CCDC88B: variants seen among roughly 807,000 people sequenced by gnomAD.
The protein encoded by CCDC88B is coiled-coil domain-containing protein 88B.
CCDC88B carries 138 observed loss-of-function variants against 183.7 expected under a neutral mutation model. That is an observed-to-expected ratio of 0.75 (90% CI 0.65 to 0.87). The LOEUF (loss-of-function observed/expected upper bound fraction) is 0.87. CCDC88B is among the 40% of genes least tolerant of loss of function. The pLI, the probability that CCDC88B is intolerant of heterozygous loss-of-function variation, is 0.00. For missense variants in CCDC88B, 1,822 were observed against 1,965.6 expected (o/e 0.93, Z 1.38); for synonymous variants, 835 against 867.5 (o/e 0.96, Z 0.66).
At chr11:64,351,640 T>A (rs752122992) in intron 18 of CCDC88B, 24 bp downstream of exon 18, 10 of 1,544,172 alleles carry the variant, frequency 6.5e-6, no homozygotes, top group Non-Finnish European at 8.7e-6. Flanking sequence ...CGGGTGCCCA[T>A]CCCTGCCCAT....
At chr11:64,346,259 G>C (rs1389239814) in intron 14 of CCDC88B, among the ~76,000 whole-genome samples, 2 of 152,096 alleles carry the variant, frequency 1.3e-5, no homozygotes, top group Non-Finnish European at 2.9e-5. Flanking sequence ...GTGGGTGTGA[G>C]AGGAGGACTG....
rs1033300593 is a variant in CCDC88B at position 64,349,245 on chromosome 11, C to T, written c.2617-86C>T. 4.1e-6 allele frequency: 6 copies of T among 1,452,542 alleles called. No homozygotes were observed. In the South Asian group the frequency reaches 8.2e-5, roughly 20 times the overall value. The allele number at this position is 1,452,542 out of a possible 1,614,324, so 90.0% of individuals were successfully genotyped here. ...CGTGCCCAGGATGGCAGGTCAAGGACAGAAAGGCAGCTCTCTTGACTCTCA... is the reference window on the plus strand; with the variant it reads ...CGTGCCCAGGATGGCAGGTCAAGGATAGAAAGGCAGCTCTCTTGACTCTCA... On this transcript the variant is annotated intron_variant, in intron 14 of 26. Transcript: ENST00000356786.
At chr11:64,352,425 C>G (rs1477243144) in intron 19 of CCDC88B, 39 bp downstream of exon 19, 1 of 1,495,674 alleles carries the variant, frequency 6.7e-7, no homozygotes, top group South Asian at 1.3e-5. Flanking sequence ...CCCTGGCACC[C>G]CCTATCTGCC....
In CCDC88B at chr11:64,357,493, A is replaced by C. The variant is rs1433717813; in HGVS notation, c.*399A>C. 1.4e-6 allele frequency: 1 copy of C among 707,988 alleles called. No homozygotes were observed. Among genetic ancestry groups the C allele is most frequent in the Non-Finnish European group, 2.6e-6 (1 of 379,108 alleles). The allele number at this position is 707,988 out of a possible 1,614,324, so 43.9% of individuals were successfully genotyped here. The stretch of plus-strand genomic sequence containing the variant: ...TGGGCTGATCTTGAGCCTTAACTGG[A>C]CATGAGGGGCATGAGAATAAAGCTG... On this transcript the variant is annotated 3_prime_UTR_variant, in exon 27 of 27. Coordinates refer to ENST00000356786, the MANE Select transcript of CCDC88B (RefSeq NM_032251.6).
intron 7 of CCDC88B, 106 bp from the exon 8 acceptor site, chr11:64,341,888 T>C: frequency 1.5e-6 from 1 of 673,856 alleles, no homozygotes; most frequent in Non-Finnish European, 2.1e-6. Context: ...CACAACCAGA[T>C]GGCCCAAGAC....
intron 26 of CCDC88B, chr11:64,356,758 C>A (rs1778032271): frequency 4.2e-6 from 2 of 481,848 alleles, no homozygotes; most frequent in Non-Finnish European, 7.3e-6. Context: ...GAGCTCTGGG[C>A]AGGCTGGTTG....
intron 26 of CCDC88B, chr11:64,356,725 C>A (rs1020365169): frequency 1.2e-5 from 5 of 428,686 alleles, no homozygotes; most frequent in Non-Finnish European, 2.1e-5. Context: ...GAAAGGAGAG[C>A]AGGGGAGGGG....
chr11:64,341,306 T>C lies in CCDC88B; in HGVS notation c.425T>C (p.Leu142Pro). Residue 142 changes from leucine to proline, a missense_variant, in exon 5 of 27, where the codon CTA becomes CCA. Leu to Pro is a moderately conservative substitution (Grantham distance 98, BLOSUM62 -3). Transcript: ENST00000356786. ...GAGCAGCTGGAAGGCGTTCTTCGGC[T>C]ACTGTTGGGAGCGTCAGTACAGGTG... The part of the protein sequence containing the change: ...AVEQLEGVLR[L>P]LLGASVQCEH... 1 of 1,614,086 alleles carries C rather than the reference T, an allele frequency of 6.2e-7. No homozygotes were observed. Among genetic ancestry groups the C allele is most frequent in the Non-Finnish European group, 8.5e-7 (1 of 1,180,012 alleles).
chr11:64,354,698 C>G (rs1361340089), intron 24 of CCDC88B, among the ~76,000 whole-genome samples: 4 of 58,216 alleles, frequency 6.9e-5, no homozygotes, highest in South Asian at 7.9e-4. Context: ...TCCGCCCCCC[C>G]CCTCTGACCC....
At chr11:64,347,106 C>T (rs139141301) in intron 14 of CCDC88B, among the ~76,000 whole-genome samples, 17 of 152,300 alleles carry the variant, frequency 1.1e-4, no homozygotes, top group Middle Eastern at 3.4e-3. Context: ...CACACTTTTA[C>T]TTATTCATTT....
intron 26 of CCDC88B, 129 bp from the exon 27 acceptor site, chr11:64,356,910 G>A (rs566802116): frequency 4.6e-5 from 38 of 830,278 alleles, no homozygotes; most frequent in South Asian, 2.3e-4. Context: ...AACAGCAGGC[G>A]TGGTGCAGCT....
At position 64,355,346 on chromosome 11, in the gene CCDC88B, C is replaced by T. The variant is rs537291664; in HGVS notation, c.4252C>T (p.Arg1418Ter). The T allele has an allele frequency of 3.1e-6, 5 of 1,592,696 alleles. No individual in the cohort carries two copies. Among genetic ancestry groups the T allele is most frequent in the South Asian group, 1.1e-5 (1 of 88,284 alleles). ...SFSPGDTPRQ[R>*]FRQRHPGPLG... is the part of the protein sequence containing the mutation. ...CAGCCCTGGGGACACCCCTAGGCAA[C>T]GATTCCGACAGCGCCATCCAGGCCC... Residue 1418 changes from arginine (R) to a stop codon, truncating the protein, a stop_gained, in exon 25 of 27, where the codon CGA becomes TGA. Coordinates refer to ENST00000356786, the MANE Select transcript of CCDC88B (RefSeq NM_032251.6). LOFTEE classifies it high-confidence loss of function.
In CCDC88B at chr11:64,344,628, A is replaced by G. The variant is rs1409650714; in HGVS notation, c.2087A>G (p.Gln696Arg). The change falls in exon 14 of 27, where the codon CAA (glutamine) becomes CGA (arginine). Residue 696 changes from glutamine (Q) to arginine (R), a missense_variant. Transcript: ENST00000356786. This position sits in a 1 kb window ranked among gnomAD's most constrained non-coding sequence, Gnocchi z 4.5. ...GGGACGGTCAGGGACCCAGCCTGGC[A>G]AAAACCACAGCAGAAGTCAGAAGGG... ...LEGTVRDPAW[Q>R]KPQQKSEGAL... 10 of 1,613,374 alleles carry G rather than the reference A, an allele frequency of 6.2e-6. No individual in the cohort carries two copies. Among genetic ancestry groups the G allele is most frequent in the Non-Finnish European group, 8.5e-6 (10 of 1,179,730 alleles).
At position 64,344,795 on chromosome 11, in the gene CCDC88B, G is replaced by T. The variant is rs771046423; in HGVS notation, c.2254G>T (p.Ala752Ser). The T allele has an allele frequency of 6.2e-7, 1 of 1,613,394 alleles. No individual in the cohort carries two copies. Among genetic ancestry groups the T allele is most frequent in the Non-Finnish European group, 8.5e-7 (1 of 1,179,870 alleles). The change falls in exon 14 of 27, where the codon GCC becomes TCC. Residue 752 changes from alanine (A) to serine (S), a missense_variant. Transcript: ENST00000356786. The surrounding 1 kb of genome is among the most constrained non-coding windows in gnomAD (Gnocchi z 4.5). ...CCTTGGAGATGAGCTGGAAGCCCAGGCCCGCAAGCTGGAGGCCCAAAACAC... is the reference window on the plus strand; with the variant it reads ...CCTTGGAGATGAGCTGGAAGCCCAGTCCCGCAAGCTGGAGGCCCAAAACAC... ...EALGDELEAQ[A>S]RKLEAQNTEA...
In CCDC88B at chr11:64,349,620, G is replaced by A; in HGVS notation, c.2814G>A (p.Leu938=). ...QAAATSKEEA[L]MELKTRALQL... ...CGGCGACCAGCAAGGAGGAGGCGCT[G>A]ATGGAGCTCAAGACCAGGGCCCTGC... The change falls in exon 16 of 27, where the codon CTG becomes CTA. Residue 938 remains leucine (L), a synonymous_variant. Coordinates refer to ENST00000356786, the MANE Select transcript of CCDC88B (RefSeq NM_032251.6). 2 of 1,601,048 alleles carry A rather than the reference G, an allele frequency of 1.2e-6. No homozygotes were observed. Among genetic ancestry groups the A allele is most frequent in the South Asian group, 2.3e-5 (2 of 88,450 alleles).
In CCDC88B at chr11:64,342,529, C is replaced by G; in HGVS notation, c.911C>G (p.Ala304Gly). The G allele has an allele frequency of 3.3e-6, 5 of 1,529,002 alleles. No homozygotes were observed. The highest frequency in any genetic ancestry group is 3.5e-6 in the Non-Finnish European group (4 of 1,143,082). The allele number at this position is 1,529,002 out of a possible 1,614,324, so 94.7% of individuals were successfully genotyped here. A position where few individuals can be genotyped will look rare whatever the true frequency, so the allele number is the denominator to read the frequency against. ...EIRRLRQEAQ[A>G]LSGQAKRAEL... ...CCACACCGTCTGGCCCAGGCCCAGGCGCTGTCGGGACAGGCCAAGCGGGCC... is the reference window on the plus strand; with the variant it reads ...CCACACCGTCTGGCCCAGGCCCAGGGGCTGTCGGGACAGGCCAAGCGGGCC... Residue 304 changes from alanine to glycine, a missense_variant, in exon 10 of 27, where the codon GCG becomes GGG. Ala to Gly is a moderately conservative substitution (Grantham distance 60). Coordinates refer to ENST00000356786, the MANE Select transcript of CCDC88B (RefSeq NM_032251.6).
At position 64,347,358 on chromosome 11, in the gene CCDC88B, A is replaced by G. The variant is rs372048722; in HGVS notation, c.2617-1973A>G. ...GGCGCGAGGAAGGGTGTTTGGGCCA[A>G]TGGGCCCCAGTGCTAGGGGACCTGT... On this transcript the variant is annotated intron_variant, in intron 14 of 26. Coordinates refer to ENST00000356786, the MANE Select transcript of CCDC88B (RefSeq NM_032251.6). Among the ~76,000 whole-genome samples the G allele has an allele frequency of 7.9e-5, 12 of 152,332 alleles. No individual in the cohort carries two copies. In the South Asian group the frequency reaches 2.3e-3, roughly 29 times the overall value.
At chr11:64,352,496 G>A in intron 19 of CCDC88B, 110 bp downstream of exon 19, 1 of 1,418,730 alleles carries the variant, frequency 7.0e-7, no homozygotes, top group South Asian at 1.4e-5. Context: ...CCTCCGCTCT[G>A]TGATGCCCCG....
In CCDC88B at chr11:64,351,376, C is replaced by CCGGGGT. The variant is rs2036323466; in HGVS notation, c.2959-100_2959-99insCGGGGT. ...TGTGAGTGTGGACTCACAGTGGGCC[C>CCGGGGT]GGGGGTGGGGGTGCCCCATGCAGTG... On this transcript the variant is annotated intron_variant, in intron 17 of 26. Coordinates refer to ENST00000356786, the MANE Select transcript of CCDC88B (RefSeq NM_032251.6). The CCGGGGT allele has an allele frequency of 8.7e-6, 13 of 1,489,500 alleles. No individual in the cohort carries two copies. In the East Asian group the frequency reaches 3.0e-4, roughly 34 times the overall value. The allele number at this position is 1,489,500 out of a possible 1,614,324, so 92.3% of individuals were successfully genotyped here.
Sources: allele counts gnomAD v4.1 joint callset (sites outside exome capture counted in the v4.1 genomes callset), GRCh38; gene constraint gnomAD v4.1.1; non-coding constraint Gnocchi (gnomAD v3.1); transcripts MANE v1.5; gene names NCBI Gene and HGNC (gene_info 2026-07-23, HGNC 2026-07-21).